Variants in NOSTRIN observed in about 807,000 individuals in gnomAD.
The protein encoded by NOSTRIN is nitric oxide synthase trafficking.
A neutral mutation model predicts 59.0 loss-of-function variants in NOSTRIN; 63 were observed. The observed-to-expected ratio is 1.07, with a 90% CI of 0.87 to 1.32. The LOEUF (loss-of-function observed/expected upper bound fraction) is 1.32, where lower values mean the gene tolerates loss of function less well. Among genes scored for constraint, NOSTRIN ranks in the 40% most tolerant of loss-of-function variants. The pLI, the probability that NOSTRIN is intolerant of heterozygous loss-of-function variation, is 0.00. For synonymous variants in NOSTRIN, 200 were observed against 165.4 expected, an observed-to-expected ratio of 1.21 and a Z score of -1.61; for missense variants, 512 against 473.1, an observed-to-expected ratio of 1.08 and a Z score of -0.76.
At chr2:168,789,407 G>A (rs1685289007) in intron 2 of NOSTRIN, among the ~76,000 whole-genome samples, 1 of 152,196 alleles carries the variant, frequency 6.6e-6, no homozygotes, top group Non-Finnish European at 1.5e-5. Context: ...AGGCAAGAGG[G>A]CTTGTATAGG....
chr2:168,836,963 A>G (rs1431266834), intron 7 of NOSTRIN, among the ~76,000 whole-genome samples: 15 of 152,172 alleles, frequency 9.9e-5, no homozygotes, highest in Admixed American at 9.8e-4. Context: ...AACAGCAGAC[A>G]TTCTGGAAGT....
chr2:168,859,754 C>G, intron 13 of NOSTRIN, 117 bp downstream of exon 13: 1 of 1,291,078 alleles, frequency 7.7e-7, no homozygotes, highest in Non-Finnish European at 1.1e-6. Flanking sequence ...AATATTCATG[C>G]AGTTAGTTAA....
chr2:168,855,638 C>A (rs369711462), intron 11 of NOSTRIN, 178 bp downstream of exon 11: 206 of 116,116 alleles, frequency 1.8e-3, no homozygotes, highest in South Asian at 3.1e-3. Flanking sequence ...AAAAGAAAGC[C>A]AAAAAAAAAA....
chr2:168,847,976 G>C (rs1053779757), intron 8 of NOSTRIN, among the ~76,000 whole-genome samples: 1 of 152,128 alleles, frequency 6.6e-6, no homozygotes, highest in Non-Finnish European at 1.5e-5. Flanking sequence ...GATGCTAGTG[G>C]TTCAGCACTT....
intron 10 of NOSTRIN, among the ~76,000 whole-genome samples, chr2:168,854,339 T>G (rs904183932): frequency 3.3e-5 from 5 of 152,152 alleles, no homozygotes; most frequent in African/African-American, 9.7e-5. Context: ...TTTTTCTCCT[T>G]CCTTATCAGC....
chr2:168,795,992 C>G (rs1417235968), upstream of NOSTRIN, among the ~76,000 whole-genome samples: 4 of 152,160 alleles, frequency 2.6e-5, no homozygotes, highest in Admixed American at 1.3e-4. Flanking sequence ...TAAGGCAAGG[C>G]TTCAGAAATG....
intron 7 of NOSTRIN, 119 bp downstream of exon 7, chr2:168,834,444 T>A: frequency 1.6e-6 from 1 of 637,850 alleles, no homozygotes; most frequent in Non-Finnish European, 2.8e-6. Context: ...CCTGCAGAGA[T>A]GTAGCTTGAC....
At chr2:168,848,906 A>C (rs1688585299) in intron 8 of NOSTRIN, among the ~76,000 whole-genome samples, 1 of 152,226 alleles carries the variant, frequency 6.6e-6, no homozygotes, top group South Asian at 2.1e-4. Context: ...ATGACACTGA[A>C]ATGGATGCCT....
upstream of NOSTRIN, chr2:168,802,249 T>C (rs1365359770): frequency 5.1e-6 from 1 of 197,946 alleles, no homozygotes; most frequent in African/African-American, 2.3e-5. Flanking sequence ...CATCATACAA[T>C]ACAGAAAATA....
At chr2:168,863,029 GACA>G (rs1689567364) in intron 15 of NOSTRIN, among the ~76,000 whole-genome samples, 1 of 2,876 alleles carries the variant, frequency 3.5e-4, no homozygotes, top group Non-Finnish European at 5.2e-4. Context: ...GTGAATAAAA[GACA>G]GACATACTTC....
chr2:168,800,923 AAAAAAG>A (rs1468926755), upstream of NOSTRIN: 132 of 150,790 alleles, frequency 8.8e-4, no homozygotes, highest in African/African-American at 3.2e-3. Flanking sequence ...AAAAAAAACA[AAAAAAG>A]AGATGGGGTG....
chr2:168,861,051 G>T, intron 14 of NOSTRIN, 142 bp downstream of exon 14: 1 of 601,976 alleles, frequency 1.7e-6, no homozygotes, highest in Non-Finnish European at 3.0e-6. Flanking sequence ...TAATTTGTTA[G>T]ACTCTGTAGC....
chr2:168,859,613 T>G lies in NOSTRIN; in HGVS notation c.1155T>G (p.Asn385Lys). The change falls in exon 13 of 16, where the codon AAT (asparagine) becomes AAG (lysine). Residue 385 changes from asparagine to lysine, a missense_variant. Physicochemically the swap from Asn to Lys is moderately conservative, Grantham distance 94. Coordinates refer to ENST00000317647, the MANE Select transcript of NOSTRIN (RefSeq NM_001039724.4). ...QRPQPSHPCS[N>K]SIFRWREKEH... ...CTCAACCCAGCCATCCTTGTAGTAA[T>G]TCCATCTTCAGGTGGAGGGAAAAGG... 6.2e-7 allele frequency: 1 copy of G among 1,614,042 alleles called. No individual in the cohort carries two copies. The highest frequency in any genetic ancestry group is 8.5e-7 in the Non-Finnish European group (1 of 1,179,980).
intron 2 of NOSTRIN, among the ~76,000 whole-genome samples, chr2:168,822,877 T>G (rs1186921236): frequency 6.6e-6 from 1 of 152,256 alleles, no homozygotes; most frequent in Non-Finnish European, 1.5e-5. Context: ...CGATTCCCAT[T>G]AGAAAGTTCT....
At chr2:168,848,879 TAATGTG>T (rs1688584733) in intron 8 of NOSTRIN, among the ~76,000 whole-genome samples, 1 of 152,238 alleles carries the variant, frequency 6.6e-6, no homozygotes, top group South Asian at 2.1e-4. Flanking sequence ...GTTTGCATAA[TAATGTG>T]AATGCACTTA....
intron 7 of NOSTRIN, among the ~76,000 whole-genome samples, chr2:168,835,494 TTG>T (rs1687666649): frequency 6.6e-6 from 1 of 152,230 alleles, no homozygotes; most frequent in Admixed American, 6.5e-5. Flanking sequence ...CAGCATCAGC[TTG>T]GACATTTTGC....
intron 7 of NOSTRIN, among the ~76,000 whole-genome samples, chr2:168,837,281 T>C (rs1031993641): frequency 2.1e-5 from 3 of 145,828 alleles, no homozygotes; most frequent in Non-Finnish European, 4.6e-5. Context: ...TTTTTTTTTA[T>C]AATACACTTT....
chr2:168,799,290 G>T (rs1188755055), upstream of NOSTRIN, among the ~76,000 whole-genome samples: 2 of 152,020 alleles, frequency 1.3e-5, no homozygotes, highest in Non-Finnish European at 2.9e-5. Flanking sequence ...TTTCCTTTAG[G>T]TTCACATTCT....
intron 2 of NOSTRIN, among the ~76,000 whole-genome samples, chr2:168,823,662 C>G (rs1289388335): frequency 2.6e-5 from 4 of 152,226 alleles, no homozygotes; most frequent in Non-Finnish European, 5.9e-5. Context: ...TGATCATCAT[C>G]TGCAAAGACC....
Sources: gnomAD v4.1 joint callset for allele counts (sites outside exome capture counted in the v4.1 genomes callset) on GRCh38, gnomAD v4.1.1 for gene constraint, MANE v1.5 for transcripts, NCBI Gene and HGNC (gene_info 2026-07-23, HGNC 2026-07-21) for gene names.